IGF2R: variants seen among roughly 807,000 people sequenced by gnomAD.
The protein encoded by IGF2R is cation-independent mannose-6-phosphate receptor.
Under a neutral mutation model 270.6 loss-of-function variants are expected in IGF2R, and 91 were observed. The ratio of observed to expected loss-of-function variants is 0.34; its 90% CI spans 0.28 to 0.40. The LOEUF (loss-of-function observed/expected upper bound fraction) is 0.40, where lower values mean the gene tolerates loss of function less well. IGF2R is among the 10% of genes least tolerant of loss of function. The pLI is 1.00. For synonymous variants in IGF2R, 1,316 were observed against 1,258.9 expected (o/e 1.05, Z -0.96); for missense variants, 2,805 against 3,188.3 (o/e 0.88, Z 2.90).
In IGF2R at chr6:160,068,476, T is replaced by C; in HGVS notation, c.4252+91T>C. The C allele has an allele frequency of 4.5e-6, 7 of 1,542,978 alleles. No individual in the cohort carries two copies. The South Asian group carries it at 8.4e-5, about 19-fold the overall frequency. ...AGGGGGCCTCCTCGTGGGGTGGTGG[T>C]TGTAGTGAGTGTATCACAGGCTGGC... is the stretch of plus-strand genomic sequence containing the variant. On this transcript the variant is annotated intron_variant, in intron 30 of 47. Coordinates refer to ENST00000356956, the MANE Select transcript of IGF2R (RefSeq NM_000876.4).
chr6:160,070,686 G>T (rs1374501454), intron 31 of IGF2R, among the ~76,000 whole-genome samples: 1 of 152,200 alleles, frequency 6.6e-6, no homozygotes, highest in Non-Finnish European at 1.5e-5. Flanking sequence ...ATTGTGGTGA[G>T]CCCCAGTGCT....
chr6:160,038,840 A>C (rs927658742), intron 10 of IGF2R, among the ~76,000 whole-genome samples: 6 of 152,164 alleles, frequency 3.9e-5, no homozygotes, highest in Non-Finnish European at 7.3e-5. Flanking sequence ...AGAAAACCAA[A>C]GAAAAAAAGA....
rs1784188254 is a variant in IGF2R, at chr6:160,004,759, G to A, written c.290-4251G>A. The A allele has an allele frequency of 1.3e-5, 2 of 153,010 alleles. No individual in the cohort carries two copies. Among genetic ancestry groups the A allele is most frequent in the Admixed American group, 1.3e-4 (2 of 15,272 alleles). 9.5% of individuals were successfully genotyped at this position (153,010 alleles called of 1,614,324 possible). ...ATGTGTCCTGGTAGGCCTGGTGAGT[G>A]TGTGAGCATGGCCTAGAGTGTCACC... On this transcript the variant is annotated intron_variant, in intron 2 of 47. Coordinates refer to ENST00000356956, the MANE Select transcript of IGF2R (RefSeq NM_000876.4). The surrounding 1 kb of genome is among the most constrained non-coding windows in gnomAD (Gnocchi z 5.2).
In IGF2R at chr6:160,060,535, C is replaced by A; in HGVS notation, c.3092-12C>A. ...TTCTGTCTCTTAAAATCTGGGCCTT[C>A]TTGCTTTACAGGTACCGCTGATGCT... On this transcript the variant is annotated splice_polypyrimidine_tract_variant and intron_variant, in intron 22 of 47. Coordinates refer to ENST00000356956, the MANE Select transcript of IGF2R (RefSeq NM_000876.4). 3.7e-6 allele frequency: 6 copies of A among 1,613,962 alleles called. No individual in the cohort carries two copies. The highest frequency in any genetic ancestry group is 5.1e-6 in the Non-Finnish European group (6 of 1,179,832).
chr6:159,977,496 T>C (rs200887938), intron 1 of IGF2R, among the ~76,000 whole-genome samples: 2 of 152,022 alleles, frequency 1.3e-5, no homozygotes, highest in African/African-American at 2.4e-5. Context: ...CAAGCGCTGT[T>C]CTGCCAAGAC....
rs116593872 is a variant in IGF2R, at chr6:160,033,116, A to G, written c.1211+9A>G. On this transcript the variant is annotated intron_variant, in intron 9 of 47. Transcript: ENST00000356956. The stretch of plus-strand genomic sequence containing the variant: ...CACAATCAGACCCTCCGGTACGTCA[A>G]CAACCTCTGTGCGATTTTCCTTTTT... The G allele has an allele frequency of 5.3e-4, 846 of 1,604,244 alleles. 3 individuals carry two copies. In the African/African-American group the frequency reaches 0.01, roughly 19 times the overall value.
At chr6:160,063,044 T>G (rs1200058570) in intron 26 of IGF2R, among the ~76,000 whole-genome samples, 2 of 149,972 alleles carry the variant, frequency 1.3e-5, no homozygotes, top group African/African-American at 4.9e-5. Flanking sequence ...TAAAAGTTTT[T>G]TTTTTTTTTT....
At chr6:160,008,501 G>A (rs770503897) in intron 2 of IGF2R, among the ~76,000 whole-genome samples, 34 of 152,200 alleles carry the variant, frequency 2.2e-4, no homozygotes, top group Non-Finnish European at 3.7e-4. Context: ...TGGACAAGCA[G>A]AGATGTGGTC....
intron 4 of IGF2R, 45 bp from the exon 5 acceptor site, chr6:160,024,527 C>T (rs1223423674): frequency 2.5e-6 from 4 of 1,598,832 alleles, no homozygotes; most frequent in East Asian, 2.2e-5. Context: ...TTCTGATTGA[C>T]CAAGATGTAT....
intron 42 of IGF2R, 46 bp from the exon 43 acceptor site, chr6:160,089,061 T>TAA (rs1779158496): frequency 6.3e-7 from 1 of 1,590,268 alleles, no homozygotes; most frequent in Non-Finnish European, 8.6e-7. Flanking sequence ...TCTTCCCTTA[T>TAA]GTCTGGCTGG....
At chr6:160,036,774 A>G (rs1484070412) in intron 10 of IGF2R, among the ~76,000 whole-genome samples, 1 of 152,126 alleles carries the variant, frequency 6.6e-6, no homozygotes, top group African/African-American at 2.4e-5. Context: ...AAAAATAGAA[A>G]AAAAAAAGAA....
chr6:160,024,975 C>T (rs905069352), intron 5 of IGF2R, among the ~76,000 whole-genome samples: 5 of 152,132 alleles, frequency 3.3e-5, no homozygotes, highest in African/African-American at 1.2e-4. Context: ...CCTTGGGTTT[C>T]GGGATTCTAC....
At chr6:160,047,111 G>A in intron 15 of IGF2R, 48 bp from the exon 16 acceptor site, 2 of 1,575,484 alleles carry the variant, frequency 1.3e-6, no homozygotes, top group East Asian at 2.2e-5. Flanking sequence ...GCCTTGGAGT[G>A]CTTCTGCCCC....
At chr6:160,103,690 C>T in intron 46 of IGF2R, 56 bp from the exon 47 acceptor site, 2 of 1,307,346 alleles carry the variant, frequency 1.5e-6, no homozygotes, top group Middle Eastern at 1.9e-4. Context: ...GGGGGTGGGG[C>T]TCCTGCCCAT....
chr6:160,019,357 C>A (rs772534028), intron 4 of IGF2R, among the ~76,000 whole-genome samples: 10 of 152,090 alleles, frequency 6.6e-5, no homozygotes, highest in Non-Finnish European at 1.3e-4. Flanking sequence ...AAGCTCAGGA[C>A]CAGACAGATT....
Position 159,969,346 on chromosome 6 carries a change from GCC to G in IGF2R, c.103_104del (p.Pro35GlyfsTer22). Reference sequence around the variant, plus strand: ...GCTGCAGCTGCTGCTGCTCGTCGCTGCCCCGGGGTCCACGCAGGCCCAGGCCG... The same window carrying G: ...GCTGCAGCTGCTGCTGCTCGTCGCTGCCGGGGTCCACGCAGGCCCAGGCCG... ...LLLQLLLLVA[A>X]PGSTQAQAAP... is the part of the protein sequence containing the mutation. On this transcript the variant is annotated frameshift_variant, in exon 1 of 48. Coordinates refer to ENST00000356956, the MANE Select transcript of IGF2R (RefSeq NM_000876.4). LOFTEE classifies it high-confidence loss of function. The G allele has an allele frequency of 7.6e-7, 1 of 1,314,438 alleles. No individual in the cohort carries two copies. Among genetic ancestry groups the G allele is most frequent in the Non-Finnish European group, 9.7e-7 (1 of 1,028,356 alleles). The allele number at this position is 1,314,438 out of a possible 1,614,324, so 81.4% of individuals were successfully genotyped here. A position where few individuals can be genotyped will look rare whatever the true frequency, so the allele number is the denominator to read the frequency against.
intron 39 of IGF2R, among the ~76,000 whole-genome samples, chr6:160,081,639 A>C (rs1778984982): frequency 6.6e-6 from 1 of 152,230 alleles, no homozygotes; most frequent in Non-Finnish European, 1.5e-5. Flanking sequence ...CCTTATCTGC[A>C]ACTGCATAAG....
At chr6:160,039,788 G>C (rs955750010) in intron 10 of IGF2R, among the ~76,000 whole-genome samples, 2 of 152,182 alleles carry the variant, frequency 1.3e-5, no homozygotes, top group Non-Finnish European at 2.9e-5. Context: ...GAGCAAGTCA[G>C]CAAAGCCTCT....
intron 1 of IGF2R, among the ~76,000 whole-genome samples, chr6:159,981,347 G>C (rs1783800527): frequency 6.6e-6 from 1 of 152,160 alleles, no homozygotes; most frequent in South Asian, 2.1e-4. Context: ...GAGTGTGTGT[G>C]TGTGAGTGTG....
Sources: allele counts gnomAD v4.1 joint callset (sites outside exome capture counted in the v4.1 genomes callset), GRCh38; gene constraint gnomAD v4.1.1; non-coding constraint Gnocchi (gnomAD v3.1); transcripts MANE v1.5; gene names NCBI Gene and HGNC (gene_info 2026-07-23, HGNC 2026-07-21).